COG3: variants seen among roughly 807,000 people sequenced by gnomAD.
The protein encoded by COG3 is conserved oligomeric Golgi complex subunit 3.
COG3 carries 32 observed loss-of-function variants against 114.1 expected under a neutral mutation model. The observed-to-expected ratio is 0.28, with a 90% confidence interval of 0.21 to 0.38. The LOEUF is 0.38. COG3 is among the 10% of genes least tolerant of loss of function. The probability of loss-of-function intolerance (pLI) is 1.00; values close to 1 mark genes in which losing one functional copy is unlikely to be tolerated. For synonymous variants in COG3, 352 were observed against 365.7 expected, an observed-to-expected ratio of 0.96 and a Z score of 0.43; for missense variants, 813 against 973.2, an observed-to-expected ratio of 0.84 and a Z score of 2.19.
intron 14 of COG3, among the ~76,000 whole-genome samples, chr13:45,507,860 G>A (rs572697872): frequency 1.3e-5 from 2 of 150,276 alleles, no homozygotes; most frequent in South Asian, 2.1e-4. Context: ...ACTAGGTCAG[G>A]AGATCAAGAC....
intron 3 of COG3, among the ~76,000 whole-genome samples, chr13:45,479,713 G>A (rs910649405): frequency 2.0e-5 from 3 of 152,172 alleles, no homozygotes; most frequent in African/African-American, 7.2e-5. Context: ...GCTGGGGCTT[G>A]GACCCAGGTC....
intron 7 of COG3, among the ~76,000 whole-genome samples, chr13:45,484,083 A>G (rs946306275): frequency 1.5e-4 from 23 of 152,230 alleles, no homozygotes; most frequent in East Asian, 3.8e-4. Flanking sequence ...TCCTAAGAAA[A>G]TAAAATCATA....
intron 16 of COG3, among the ~76,000 whole-genome samples, chr13:45,515,258 T>C (rs1212454372): frequency 6.6e-6 from 1 of 152,242 alleles, no homozygotes; most frequent in Non-Finnish European, 1.5e-5. Flanking sequence ...TCACTGATTA[T>C]GTTTATTAAA....
intron 2 of COG3, 72 bp downstream of exon 2, chr13:45,476,419 A>T: frequency 6.9e-7 from 1 of 1,447,626 alleles, no homozygotes; most frequent in Non-Finnish European, 9.5e-7. Flanking sequence ...ATAAAGTCCT[A>T]ATTAAAAGTT....
rs182273609 is a variant in COG3 at position 45,520,377 on chromosome 13, C to A, written c.2154+1283C>A. Among the ~76,000 whole-genome samples the A allele has an allele frequency of 8.6e-5, 13 of 151,962 alleles. No individual in the cohort carries two copies. In the East Asian group the frequency reaches 2.1e-3, roughly 25 times the overall value. ...ATTTATTAAGCCGCTACTGTTTACCCCAGACTTGTATCAGAGGACATCATA... is the reference window on the plus strand; with the variant it reads ...ATTTATTAAGCCGCTACTGTTTACCACAGACTTGTATCAGAGGACATCATA... On this transcript the variant is annotated intron_variant, in intron 19 of 22. Coordinates refer to ENST00000349995, the MANE Select transcript of COG3 (RefSeq NM_031431.4).
At chr13:45,482,322 T>C in intron 5 of COG3, 59 bp from the exon 6 acceptor site, 1 of 892,318 alleles carries the variant, frequency 1.1e-6, no homozygotes, top group Non-Finnish European at 1.8e-6. Flanking sequence ...ATCCATAGTT[T>C]CCAACTTTTA....
chr13:45,529,200 C>G (rs1299310337), intron 20 of COG3, among the ~76,000 whole-genome samples: 1 of 152,146 alleles, frequency 6.6e-6, no homozygotes, highest in African/African-American at 2.4e-5. Flanking sequence ...TTAAATACTT[C>G]CTACAGATTA....
chr13:45,516,088 G>A, intron 16 of COG3, 55 bp from the exon 17 acceptor site: 4 of 1,342,458 alleles, frequency 3.0e-6, no homozygotes, highest in Non-Finnish European at 4.1e-6. Context: ...TGCTGTATAT[G>A]CTTTTATTTT....
At chr13:45,470,671 T>C (rs1169196208) in intron 1 of COG3, among the ~76,000 whole-genome samples, 1 of 152,284 alleles carries the variant, frequency 6.6e-6, no homozygotes, top group African/African-American at 2.4e-5. Flanking sequence ...ACTGGGATTT[T>C]GACATTGATC....
intron 11 of COG3, 146 bp from the exon 12 acceptor site, chr13:45,493,201 T>C: frequency 3.4e-6 from 2 of 595,532 alleles, no homozygotes; most frequent in Admixed American, 3.1e-5. Context: ...AGCTTTTCCC[T>C]TATCATTCTA....
intron 12 of COG3, among the ~76,000 whole-genome samples, chr13:45,495,090 C>T (rs1403238867): frequency 5.9e-5 from 9 of 151,304 alleles, no homozygotes; most frequent in Admixed American, 2.6e-4. Context: ...ATGATCTGCC[C>T]GCCTCGGCCT....
intron 20 of COG3, among the ~76,000 whole-genome samples, chr13:45,529,138 C>A (rs550359646): frequency 2.6e-5 from 4 of 152,152 alleles, no homozygotes; most frequent in Non-Finnish European, 4.4e-5. Flanking sequence ...GGTTGAGCAT[C>A]TTTGAAATTG....
chr13:45,514,112 A>T (rs1871266041), intron 16 of COG3, among the ~76,000 whole-genome samples: 2 of 151,942 alleles, frequency 1.3e-5, no homozygotes, highest in Admixed American at 6.6e-5. Context: ...CCTAATTTTA[A>T]AAAAAGTTCA....
At position 45,518,966 on chromosome 13, in the gene COG3, C is replaced by T; in HGVS notation, c.2026C>T (p.Pro676Ser). 6.2e-7 allele frequency: 1 copy of T among 1,614,020 alleles called. No homozygotes were observed. Among genetic ancestry groups the T allele is most frequent in the African/African-American group, 1.3e-5 (1 of 75,010 alleles). ...ALIEFLLEGT[P>S]EIREHYLDSK... is the part of the protein sequence containing the mutation. ...TTGTTATCTTCTTTTTAAGGGTACT[C>T]CTGAGATAAGAGAACATTATCTTGA... The change falls in exon 19 of 23, where the codon CCT becomes TCT. Residue 676 changes from proline to serine, a missense_variant. Pro to Ser is a moderately conservative substitution (Grantham distance 74). Around this residue, in one of 2 missense-constraint regions of COG3, gnomAD observed 389 missense variants for 542.6 expected, o/e 0.72. Coordinates refer to ENST00000349995, the MANE Select transcript of COG3 (RefSeq NM_031431.4).
At chr13:45,505,858 G>C (rs570483496) in intron 14 of COG3, among the ~76,000 whole-genome samples, 1 of 152,200 alleles carries the variant, frequency 6.6e-6, no homozygotes, top group South Asian at 2.1e-4. Flanking sequence ...GCCTCCCAAA[G>C]TGCTAGAATT....
chr13:45,524,933 A>G, intron 19 of COG3, 43 bp from the exon 20 acceptor site: 1 of 1,492,696 alleles, frequency 6.7e-7, no homozygotes, highest in Non-Finnish European at 9.3e-7. Flanking sequence ...TTAATTTGTC[A>G]TTGATGAAAT....
chr13:45,502,316 A>G (rs1869626469), intron 13 of COG3, among the ~76,000 whole-genome samples: 1 of 152,174 alleles, frequency 6.6e-6, no homozygotes, highest in Non-Finnish European at 1.5e-5. Context: ...GTTAGGTGAT[A>G]AAGTTTTCTA....
At chr13:45,517,531 G>A (rs1404273449) in intron 17 of COG3, among the ~76,000 whole-genome samples, 1 of 150,566 alleles carries the variant, frequency 6.6e-6, no homozygotes, top group Admixed American at 6.6e-5. Context: ...TCTAATCTTG[G>A]AAGTGGCACA....
chr13:45,479,985 TAAC>T, intron 3 of COG3, 137 bp from the exon 4 acceptor site: 1 of 603,956 alleles, frequency 1.7e-6, no homozygotes, highest in Non-Finnish European at 2.9e-6. Flanking sequence ...GTACATTTCT[TAAC>T]ATAATCAACT....
Sources: gnomAD v4.1 joint callset for allele counts (sites outside exome capture counted in the v4.1 genomes callset) on GRCh38, gnomAD v4.1.1 for gene constraint, gnomAD v4.1.1 regional missense constraint, MANE v1.5 for transcripts, NCBI Gene and HGNC (gene_info 2026-07-23, HGNC 2026-07-21) for gene names.